The following ATP13A3 variants were observed in gnomAD, a reference collection of about 807,000 sequenced individuals.
ATP13A3 encodes the protein ATPase 13A3.
ATP13A3 carries 59 observed loss-of-function variants against 158.1 expected under a neutral mutation model. The observed-to-expected ratio is 0.37, with a 90% confidence interval of 0.30 to 0.46. ATP13A3 has a LOEUF of 0.46. ATP13A3 is among the 20% of genes least tolerant of loss of function. The pLI is 1.00. For synonymous variants in ATP13A3, 491 were observed against 504.3 expected (o/e 0.97, Z 0.35); for missense variants, 1,166 against 1,525.2 (o/e 0.76, Z 3.92).
rs554326065 is a variant in ATP13A3, at chr3:194,438,976, G to GAA, written c.1711-6_1711-5dup. ...CTTCAGTTGCTTCTTCCAGAATCTG[G>GAA]AAAAAAAAAAGAGACAAAAAAAAAC... On this transcript the variant is annotated splice_region_variant and splice_polypyrimidine_tract_variant and intron_variant, in intron 16 of 33. Coordinates refer to ENST00000645319, the MANE Select transcript of ATP13A3 (RefSeq NM_001367549.1). 68 of 1,332,546 alleles carry GAA rather than the reference G, an allele frequency of 5.1e-5. No individual in the cohort carries two copies. The highest frequency in any genetic ancestry group is 1.4e-4 in the East Asian group (5 of 35,930). The allele number at this position is 1,332,546 out of a possible 1,614,324, so 82.5% of individuals were successfully genotyped here.
chr3:194,430,836 T>A (rs1717165570), intron 24 of ATP13A3, 107 bp downstream of exon 24: 5 of 788,374 alleles, frequency 6.3e-6, no homozygotes, highest in Admixed American at 3.6e-5. Flanking sequence ...ATTATATATA[T>A]AAATATGAAA....
Position 194,404,901 on chromosome 3 carries a change from C to T in ATP13A3, c.*1018G>A, listed in dbSNP as rs1474841656. On this transcript the variant is annotated 3_prime_UTR_variant, in exon 34 of 34. Coordinates refer to ENST00000645319, the MANE Select transcript of ATP13A3 (RefSeq NM_001367549.1). ...TGAAAAAACGGCAGCCATTCAAATC[C>T]AGTATTTTTTAAGCCTCATTATTGA... 6.6e-6 allele frequency: 1 copy of T among 152,084 alleles called. No homozygotes were observed. The highest frequency in any genetic ancestry group is 3.2e-3 in the Middle Eastern group (1 of 316). The allele number at this position is 152,084 out of a possible 1,614,324, so 9.4% of individuals were successfully genotyped here.
chr3:194,405,989 G>A lies in ATP13A3; in HGVS notation c.3701C>T (p.Pro1234Leu). The A allele has an allele frequency of 6.2e-7, 1 of 1,614,176 alleles. No individual in the cohort carries two copies. Among genetic ancestry groups the A allele is most frequent in the Non-Finnish European group, 8.5e-7 (1 of 1,180,032 alleles). ...AGCTTTAGCTTCTGTGGTTGTCTGA[G>A]GTTTTGGTGGCCATTCTGGATCAAC... ...LLVDPEWPPK[P>L]QTTTEAKALV... Residue 1234 changes from proline to leucine, a missense_variant, in exon 34 of 34, where the codon CCT becomes CTT. Pro to Leu is a moderately conservative substitution (Grantham distance 98). Transcript: ENST00000645319.
chr3:194,473,896 AAT>A (rs1234865780), intron 2 of ATP13A3, among the ~76,000 whole-genome samples: 5 of 152,188 alleles, frequency 3.3e-5, no homozygotes, highest in Admixed American at 2.0e-4. Flanking sequence ...GGAAAAAAGG[AAT>A]ATGTCTAATA....
At chr3:194,432,152 T>C in intron 21 of ATP13A3, 1 of 382,792 alleles carries the variant, frequency 2.6e-6, no homozygotes, top group African/African-American at 2.1e-5. Flanking sequence ...ATTCTCAATC[T>C]TTTCCAGTCA....
chr3:194,434,276 T>A lies in ATP13A3; in HGVS notation c.2121-380A>T, dbSNP rs1031783328. Among the ~76,000 whole-genome samples, 4 of 152,388 alleles carry A rather than the reference T, an allele frequency of 2.6e-5. 1 individual carries two copies. Among genetic ancestry groups the A allele is most frequent in the Middle Eastern group, 6.8e-3 (2 of 294 alleles). On this transcript the variant is annotated intron_variant, in intron 20 of 33. Coordinates refer to ENST00000645319, the MANE Select transcript of ATP13A3 (RefSeq NM_001367549.1). Reference sequence around the variant, plus strand: ...GCACATTCAATACAGTTTTCGTGGATTCATTATCAAGTCTCAGATCAATTC... The same window carrying A: ...GCACATTCAATACAGTTTTCGTGGAATCATTATCAAGTCTCAGATCAATTC...
chr3:194,485,640 T>C (rs1425708648), intron 2 of ATP13A3, among the ~76,000 whole-genome samples, 154 bp downstream of exon 2: 1 of 152,240 alleles, frequency 6.6e-6, no homozygotes, highest in Admixed American at 6.5e-5. Context: ...TACCCAGGTA[T>C]GTTCTACTCA....
chr3:194,484,711 T>C (rs1190198779), intron 2 of ATP13A3, among the ~76,000 whole-genome samples: 1 of 152,246 alleles, frequency 6.6e-6, no homozygotes, highest in Non-Finnish European at 1.5e-5. Flanking sequence ...TAATGTGGTT[T>C]ATCCAAAGCG....
intron 17 of ATP13A3, among the ~76,000 whole-genome samples, chr3:194,438,649 T>C (rs770148922): frequency 9.9e-5 from 15 of 152,220 alleles, no homozygotes; most frequent in South Asian, 2.1e-4. Flanking sequence ...TAAATGTAAG[T>C]AAGCAGGCTG....
At chr3:194,468,222 T>C (rs1720109920) in intron 2 of ATP13A3, 1 of 152,140 alleles carries the variant, frequency 6.6e-6, no homozygotes, top group South Asian at 2.1e-4. Flanking sequence ...CTCGTAGAGC[T>C]CCTATTATTT....
intron 28 of ATP13A3, 83 bp downstream of exon 28, chr3:194,428,759 ATTG>A (rs1389145613): frequency 1.2e-5 from 11 of 904,816 alleles, no homozygotes; most frequent in South Asian, 1.1e-4. Flanking sequence ...CTATGTTACA[ATTG>A]TTGATGTAAA....
At position 194,431,901 on chromosome 3, in the gene ATP13A3, C is replaced by A; in HGVS notation, c.2246-9G>T. 1.3e-6 allele frequency: 2 copies of A among 1,555,874 alleles called. No homozygotes were observed. The highest frequency in any genetic ancestry group is 1.7e-6 in the Non-Finnish European group (2 of 1,154,906). ...AGTCAACATACTGTCACCTAATTTT[C>A]AAAATATTTTAAATGTATTGAAATT... On this transcript the variant is annotated splice_polypyrimidine_tract_variant and intron_variant, in intron 21 of 33. Transcript: ENST00000645319.
At position 194,430,986 on chromosome 3, in the gene ATP13A3, G is replaced by C. The variant is rs375057247; in HGVS notation, c.2581C>G (p.Pro861Ala). Residue 861 changes from proline to alanine, a missense_variant, in exon 24 of 34, where the codon CCT becomes GCT. This residue lies in a region of ATP13A3 where 997 missense variants were observed against 1,341.2 expected (regional missense o/e 0.74). Coordinates refer to ENST00000645319, the MANE Select transcript of ATP13A3 (RefSeq NM_001367549.1). ...LHGTVFARMA[P>A]DQKTQLIEAL... Reference sequence around the variant, plus strand: ...TCTATCAACTGTGTCTTCTGATCAGGTGCCATACGGGCAAACACGGTGCCA... The same window carrying C: ...TCTATCAACTGTGTCTTCTGATCAGCTGCCATACGGGCAAACACGGTGCCA... 1.2e-6 allele frequency: 2 copies of C among 1,613,396 alleles called. No homozygotes were observed. Among genetic ancestry groups the C allele is most frequent in the African/African-American group, 1.3e-5 (1 of 74,890 alleles).
chr3:194,458,340 CA>C (rs202177921), intron 6 of ATP13A3, among the ~76,000 whole-genome samples: 12,599 of 135,052 alleles, frequency 0.093, 1,208 homozygotes, highest in African/African-American at 0.25. Context: ...AGTGCCAAGT[CA>C]AAAAAAAAAA....
At chr3:194,458,411 C>T (rs892225171) in intron 6 of ATP13A3, among the ~76,000 whole-genome samples, 43 of 151,680 alleles carry the variant, frequency 2.8e-4, no homozygotes, top group African/African-American at 1.0e-3. Flanking sequence ...TTTTATGAGA[C>T]GCAGTTTCGC....
chr3:194,433,116 C>A (rs1717347172), intron 21 of ATP13A3, among the ~76,000 whole-genome samples: 1 of 149,988 alleles, frequency 6.7e-6, no homozygotes, highest in South Asian at 2.1e-4. Flanking sequence ...TATTCTAGTA[C>A]AGAAAACAAA....
chr3:194,489,064 T>C (rs1721115778), upstream of ATP13A3, among the ~76,000 whole-genome samples: 1 of 152,246 alleles, frequency 6.6e-6, no homozygotes, highest in South Asian at 2.1e-4. This position sits in a 1 kb window ranked among gnomAD's most constrained non-coding sequence, Gnocchi z 4.1. Flanking sequence ...ATTAGAAAGT[T>C]GGGAATGAGT....
At chr3:194,410,324 A>AAAAAAAAC (rs1715301321) in intron 33 of ATP13A3, among the ~76,000 whole-genome samples, 1 of 145,808 alleles carries the variant, frequency 6.9e-6, no homozygotes, top group Non-Finnish European at 1.5e-5. Context: ...AAAAAAAAAA[A>AAAAAAAAC]AAAAAAACTG....
intron 15 of ATP13A3, among the ~76,000 whole-genome samples, chr3:194,444,235 A>G (rs2108879679): frequency 6.6e-6 from 1 of 152,382 alleles, no homozygotes; most frequent in South Asian, 2.1e-4. Context: ...TAATTCCAGC[A>G]CTATTTGCAA....
Sources: gnomAD v4.1 joint callset for allele counts (sites outside exome capture counted in the v4.1 genomes callset) on GRCh38, gnomAD v4.1.1 for gene constraint, gnomAD v4.1.1 regional missense constraint, Gnocchi (gnomAD v3.1) non-coding constraint, MANE v1.5 for transcripts, NCBI Gene and HGNC (gene_info 2026-07-23, HGNC 2026-07-21) for gene names.